Variants in CSMD2 observed in about 807,000 individuals in gnomAD.
The protein encoded by CSMD2 is CUB and sushi domain-containing protein 2.
In CSMD2, 130 loss-of-function variants were observed where a neutral mutation model predicts 398.5. The observed-to-expected ratio is 0.33, with a 90% CI of 0.28 to 0.38. The LOEUF (loss-of-function observed/expected upper bound fraction) is 0.38. Among genes scored for constraint, CSMD2 ranks in the 10% least tolerant of loss-of-function variants. CSMD2 has a pLI of 1.00. For synonymous variants in CSMD2, 1,828 were observed against 1,908.5 expected (o/e 0.96, Z 1.10); for missense variants, 3,829 against 4,764.9 (o/e 0.80, Z 5.78).
At chr1:34,021,090 T>C (rs954164173) in intron 3 of CSMD2, among the ~76,000 whole-genome samples, 5 of 152,164 alleles carry the variant, frequency 3.3e-5, no homozygotes, top group African/African-American at 1.2e-4. Flanking sequence ...TTCACATTAA[T>C]GAAGGAAAAG....
chr1:33,798,150 TTAAC>T (rs1655170588), intron 10 of CSMD2, among the ~76,000 whole-genome samples: 1 of 152,170 alleles, frequency 6.6e-6, no homozygotes, highest in Non-Finnish European at 1.5e-5. Flanking sequence ...TAATGACTCA[TTAAC>T]TAACATGCAG....
intron 49 of CSMD2, among the ~76,000 whole-genome samples, chr1:33,575,325 C>T (rs1659971331): frequency 6.6e-6 from 1 of 152,136 alleles, no homozygotes; most frequent in African/African-American, 2.4e-5. Context: ...ATGCCAGGCC[C>T]TTCCTGGCCC....
chr1:34,096,460 G>A (rs945969443), intron 1 of CSMD2, among the ~76,000 whole-genome samples: 4 of 150,950 alleles, frequency 2.6e-5, no homozygotes, highest in Admixed American at 6.6e-5. Context: ...AGGAAAAGAG[G>A]AAGTCAAATT....
chr1:33,622,479 C>T (rs1209483257), intron 36 of CSMD2, among the ~76,000 whole-genome samples: 1 of 152,152 alleles, frequency 6.6e-6, no homozygotes, highest in African/African-American at 2.4e-5. Context: ...CTCCAATCTG[C>T]TTCCTGTAAG....
rs754000207 is a variant in CSMD2, at chr1:33,611,200, T to A, written c.6184A>T (p.Ile2062Leu). The change falls in exon 41 of 71, where the codon ATA (isoleucine) becomes TTA (leucine). Residue 2062 changes from isoleucine to leucine, a missense_variant. Ile to Leu is a conservative substitution (Grantham distance 5). Coordinates refer to ENST00000373381, the MANE Select transcript of CSMD2 (RefSeq NM_001281956.2). ...NFSTEPNHDY[I>L]EIRNGPYETS... ...TCATAGGGGCCATTCCGGATTTCTA[T>A]GTAGTCGTGGTTGGGCTCGGTGGAG... The A allele has an allele frequency of 2.5e-6, 4 of 1,613,970 alleles. No homozygotes were observed. Among genetic ancestry groups the A allele is most frequent in the Non-Finnish European group, 3.4e-6 (4 of 1,180,012 alleles).
chr1:33,745,085 C>T (rs905187609), intron 13 of CSMD2, among the ~76,000 whole-genome samples: 2 of 152,098 alleles, frequency 1.3e-5, no homozygotes, highest in Non-Finnish European at 2.9e-5. Flanking sequence ...AAATTATAGC[C>T]TTTAATGTGA....
At chr1:34,102,731 A>G (rs1429506845) in intron 1 of CSMD2, among the ~76,000 whole-genome samples, 1 of 152,072 alleles carries the variant, frequency 6.6e-6, no homozygotes, top group Non-Finnish European at 1.5e-5. Flanking sequence ...ACTTCAGCCC[A>G]GAAAATGTTT....
At chr1:33,574,672 A>G (rs1396155046) in intron 49 of CSMD2, among the ~76,000 whole-genome samples, 2 of 152,208 alleles carry the variant, frequency 1.3e-5, no homozygotes, top group African/African-American at 4.8e-5. Flanking sequence ...TAGACTGTTC[A>G]GAGGGAGAGA....
intron 3 of CSMD2, among the ~76,000 whole-genome samples, chr1:33,955,524 G>A (rs1645139264): frequency 6.6e-6 from 1 of 152,190 alleles, no homozygotes; most frequent in Non-Finnish European, 1.5e-5. Flanking sequence ...AGGCTCTGGA[G>A]ACAGACCACG....
intron 5 of CSMD2, among the ~76,000 whole-genome samples, chr1:33,891,154 A>G (rs959026491): frequency 3.3e-4 from 50 of 152,100 alleles, no homozygotes; most frequent in African/African-American, 1.2e-3. Context: ...TACTCATCTG[A>G]CAAAGGGCTA....
intron 57 of CSMD2, among the ~76,000 whole-genome samples, chr1:33,544,221 C>T (rs969154386): frequency 2.6e-5 from 4 of 151,268 alleles, no homozygotes; most frequent in Middle Eastern, 6.4e-3. Flanking sequence ...ATTGTCCTGC[C>T]TCAACCTCCC....
At chr1:34,149,634 CT>C (rs1273568960) in intron 1 of CSMD2, among the ~76,000 whole-genome samples, 1 of 152,190 alleles carries the variant, frequency 6.6e-6, no homozygotes, top group East Asian at 1.9e-4. Flanking sequence ...ACCAACAGCC[CT>C]TTTGTGAAGT....
At chr1:33,561,110 C>T (rs954046679) in intron 53 of CSMD2, among the ~76,000 whole-genome samples, 1 of 152,196 alleles carries the variant, frequency 6.6e-6, no homozygotes, top group African/African-American at 2.4e-5. Context: ...ACCTAAGACC[C>T]AAATGGTGAT....
rs147850753 is a variant in CSMD2 at position 34,014,142 on chromosome 1, G to T, written c.517+18452C>A. ...GTCTGGAAGATGCCCACTTCTCTCC[G>T]CCTTCACCGTTGCGGCTCTCACCCA... On this transcript the variant is annotated intron_variant, in intron 3 of 70. Transcript: ENST00000373381. 4.1e-4 allele frequency among the ~76,000 whole-genome samples: 62 copies of T among 152,266 alleles called. 2 individuals are homozygous for T. In the East Asian group the frequency reaches 9.5e-3, roughly 23 times the overall value.
intron 6 of CSMD2, among the ~76,000 whole-genome samples, chr1:33,844,677 T>C (rs1661188565): frequency 6.6e-6 from 1 of 152,216 alleles, no homozygotes; most frequent in Non-Finnish European, 1.5e-5. Flanking sequence ...AGCCAGCTAG[T>C]TACCCTCTCT....
At chr1:33,627,015 C>T (rs565467985) in intron 32 of CSMD2, among the ~76,000 whole-genome samples, 1 of 152,138 alleles carries the variant, frequency 6.6e-6, no homozygotes, top group South Asian at 2.1e-4. Flanking sequence ...ATAGCATTGG[C>T]CTCTAGGAAG....
intron 10 of CSMD2, among the ~76,000 whole-genome samples, chr1:33,808,430 G>T (rs1656477687): frequency 6.6e-6 from 1 of 151,778 alleles, no homozygotes; most frequent in Admixed American, 6.6e-5. Context: ...ACAAGATTTA[G>T]AAACAGTAGG....
intron 10 of CSMD2, among the ~76,000 whole-genome samples, chr1:33,803,066 T>C (rs1655799548): frequency 6.6e-6 from 1 of 152,168 alleles, no homozygotes; most frequent in African/African-American, 2.4e-5. Context: ...AATGGTCTCC[T>C]TCTAGCACTT....
chr1:33,820,324 G>A (rs141688442), intron 8 of CSMD2, 145 bp downstream of exon 8: 1 of 689,350 alleles, frequency 1.5e-6, no homozygotes, highest in East Asian at 2.5e-5. Flanking sequence ...GAATGTCAAA[G>A]CCATAGCTCT....
Sources: gnomAD v4.1 joint callset for allele counts (sites outside exome capture counted in the v4.1 genomes callset) on GRCh38, gnomAD v4.1.1 for gene constraint, MANE v1.5 for transcripts, NCBI Gene and HGNC (gene_info 2026-07-23, HGNC 2026-07-21) for gene names.